Variants in F10 observed in about 807,000 individuals in gnomAD.
F10 encodes the protein Stuart-Prower factor.
In F10, 29 loss-of-function variants were observed where a neutral mutation model predicts 37.1. The observed-to-expected ratio is 0.78, with a 90% confidence interval of 0.58 to 1.07. The LOEUF (loss-of-function observed/expected upper bound fraction) is 1.07. Ranked by LOEUF, F10 falls within the 50% of genes least tolerant of loss-of-function variation. The pLI is 0.00. For synonymous variants in F10, 262 were observed against 268.6 expected, an observed-to-expected ratio of 0.98 and a Z score of 0.24; for missense variants, 539 against 667.9, an observed-to-expected ratio of 0.81 and a Z score of 2.13.
chr13:113,124,458 G>A (rs928913206), intron 1 of F10, among the ~76,000 whole-genome samples: 12 of 152,202 alleles, frequency 7.9e-5, no homozygotes, highest in African/African-American at 2.9e-4. Flanking sequence ...GTCCCCGGGG[G>A]CCGGCCTGGA....
At chr13:113,147,942 T>C (rs2036597459) in intron 7 of F10, among the ~76,000 whole-genome samples, 1 of 152,220 alleles carries the variant, frequency 6.6e-6, no homozygotes. Flanking sequence ...ACCCTAGAGC[T>C]GCTCAGTACA....
At chr13:113,136,204 T>C (rs1367477595) in intron 2 of F10, among the ~76,000 whole-genome samples, 1 of 152,124 alleles carries the variant, frequency 6.6e-6, no homozygotes, top group African/African-American at 2.4e-5. Context: ...TATATACTCA[T>C]AGAGTAAAAA....
At chr13:113,127,945 C>G (rs975722281) in intron 1 of F10, among the ~76,000 whole-genome samples, 16 of 152,096 alleles carry the variant, frequency 1.1e-4, no homozygotes, top group South Asian at 2.1e-4. Flanking sequence ...CTTGGGTGGC[C>G]AGGCTGAGCC....
rs774106793 is a variant in F10, at chr13:113,149,327, G to A, written c.1277G>A (p.Arg426His). The change falls in exon 8 of 8, where the codon CGC (arginine) becomes CAC (histidine). Residue 426 changes from arginine (R) to histidine (H), a missense_variant. Transcript: ENST00000375559. This position sits in a 1 kb window ranked among gnomAD's most constrained non-coding sequence, Gnocchi z 7.5. ...GACAGCGGGGGCCCGCACGTCACCC[G>A]CTTCAAGGACACCTACTTCGTGACA... ...QGDSGGPHVT[R>H]FKDTYFVTGI... 94 of 1,613,144 alleles carry A rather than the reference G, an allele frequency of 5.8e-5. 1 individual carries two copies. In the South Asian group the frequency reaches 7.1e-4, roughly 12 times the overall value.
In F10 at chr13:113,139,415, C is replaced by T. The variant is rs748636351; in HGVS notation, c.315C>T (p.Leu105=). ...ACCAGGGCAAATGTAAAGACGGCCT[C>T]GGGGAATACACCTGCACCTGTTTAG... ...CQNQGKCKDG[L]GEYTCTCLEG... The change falls in exon 4 of 8, where the codon CTC becomes CTT. Residue 105 remains leucine, a synonymous_variant. Coordinates refer to ENST00000375559, the MANE Select transcript of F10 (RefSeq NM_000504.4). This position sits in a 1 kb window ranked among gnomAD's most constrained non-coding sequence, Gnocchi z 5.2. The T allele has an allele frequency of 5.0e-6, 8 of 1,613,754 alleles. No homozygotes were observed. Among genetic ancestry groups the T allele is most frequent in the African/African-American group, 2.7e-5 (2 of 74,852 alleles).
chr13:113,129,485 T>G lies in F10; in HGVS notation c.104T>G (p.Leu35Arg). The G allele has an allele frequency of 6.2e-7, 1 of 1,614,082 alleles. No homozygotes were observed. The highest frequency in any genetic ancestry group is 1.7e-5 in the Admixed American group (1 of 60,032). The change falls in exon 2 of 8, where the codon CTG (leucine) becomes CGG (arginine). Residue 35 changes from leucine to arginine, a missense_variant. Around this residue, in one of 2 missense-constraint regions of F10, gnomAD observed 130 missense variants for 120.0 expected, o/e 1.08. Coordinates refer to ENST00000375559, the MANE Select transcript of F10 (RefSeq NM_000504.4). ...FIRREQANNI[L>R]ARVTRANSFL... The stretch of plus-strand genomic sequence containing the variant: ...CGCAGGGAGCAGGCCAACAACATCC[T>G]GGCGAGGGTCACGAGGGCCAATTCC...
At chr13:113,123,383 C>T (rs967007065) in intron 1 of F10, among the ~76,000 whole-genome samples, 2 of 152,190 alleles carry the variant, frequency 1.3e-5, no homozygotes, top group Non-Finnish European at 2.9e-5. Flanking sequence ...TGAGCCGAGC[C>T]AGTGCCACCA....
intron 7 of F10, among the ~76,000 whole-genome samples, chr13:113,148,343 A>ATATATATATATATATATATATAT (rs1168456413): frequency 1.0e-5 from 1 of 99,196 alleles, no homozygotes; most frequent in East Asian, 5.0e-4. Context: ...AAAAAAAAAA[A>ATATATATATATATATATATATAT]AAATATATAT....
chr13:113,128,158 T>C (rs1030000805), intron 1 of F10: 3 of 152,172 alleles, frequency 2.0e-5, no homozygotes, highest in Non-Finnish European at 4.4e-5. Flanking sequence ...TGTAAAATAT[T>C]TGAAGAGATT....
In F10 at chr13:113,143,167, C is replaced by T. The variant is rs1357902273; in HGVS notation, c.503-684C>T. ...AGCCCCTTGCCATCCATTCCCCCCT[C>T]CTCTCCTCTCCTGCTCCCCCACACC... On this transcript the variant is annotated intron_variant, in intron 5 of 7. Transcript: ENST00000375559. The surrounding 1 kb of genome is among the most constrained non-coding windows in gnomAD (Gnocchi z 6.8). Among the ~76,000 whole-genome samples, 3 of 150,260 alleles carry T rather than the reference C, an allele frequency of 2.0e-5. No homozygotes were observed. In the East Asian group the frequency reaches 6.1e-4, roughly 30 times the overall value.
intron 5 of F10, among the ~76,000 whole-genome samples, chr13:113,142,859 G>A (rs576725511): frequency 6.6e-6 from 1 of 152,146 alleles, no homozygotes; most frequent in African/African-American, 2.4e-5. Context: ...CTGAACCCAG[G>A]AGGTGGAGGT....
chr13:113,126,685 G>A (rs1176912978), intron 1 of F10, among the ~76,000 whole-genome samples: 4 of 152,206 alleles, frequency 2.6e-5, no homozygotes, highest in Admixed American at 2.6e-4. Flanking sequence ...GTGTTCACAT[G>A]GAGGTGCGTC....
At chr13:113,129,315 A>C (rs2036402193) in intron 1 of F10, 137 bp from the exon 2 acceptor site, 4 of 1,113,006 alleles carry the variant, frequency 3.6e-6, no homozygotes, top group Non-Finnish European at 5.3e-6. Context: ...TTAGAATTTT[A>C]TTTTTGGTTT....
chr13:113,148,378 GTATA>G, intron 7 of F10, among the ~76,000 whole-genome samples: 3 of 57,406 alleles, frequency 5.2e-5, no homozygotes, highest in Non-Finnish European at 9.9e-5. Flanking sequence ...ATATATATGT[GTATA>G]TATATATACA....
intron 1 of F10, 128 bp downstream of exon 1, chr13:113,123,053 C>T (rs550132930): frequency 1.0e-5 from 12 of 1,151,280 alleles, no homozygotes; most frequent in Middle Eastern, 2.7e-4. Flanking sequence ...AGGCTGGGCT[C>T]GGATGGCTGG....
chr13:113,135,104 G>A (rs1296506693), intron 2 of F10, among the ~76,000 whole-genome samples: 2 of 151,886 alleles, frequency 1.3e-5, no homozygotes, highest in South Asian at 2.1e-4. Context: ...TTAGCTGGGC[G>A]TGGTGGTGTG....
rs920411263 is a variant in F10, at chr13:113,146,429, G to C, written c.748-950G>C. ...TTTTGGAGGGGTTCCTGGGCTGGGGGACCAGGGTGGGGCGCCCTGGAGGGC... is the reference window on the plus strand; with the variant it reads ...TTTTGGAGGGGTTCCTGGGCTGGGGCACCAGGGTGGGGCGCCCTGGAGGGC... On this transcript the variant is annotated intron_variant, in intron 6 of 7. Transcript: ENST00000375559. This position sits in a 1 kb window ranked among gnomAD's most constrained non-coding sequence, Gnocchi z 4.5. Among the ~76,000 whole-genome samples, 1 of 152,126 alleles carries C rather than the reference G, an allele frequency of 6.6e-6. No homozygotes were observed. Among genetic ancestry groups the C allele is most frequent in the African/African-American group, 2.4e-5 (1 of 41,432 alleles).
At chr13:113,129,425 T>C (rs1595088128) in intron 1 of F10, 27 bp from the exon 2 acceptor site, 3 of 1,565,480 alleles carry the variant, frequency 1.9e-6, no homozygotes, top group Admixed American at 1.7e-5. Context: ...GACCAGAGCT[T>C]TTAACCCTGT....
chr13:113,137,068 A>G lies in F10; in HGVS notation c.232-1389A>G, dbSNP rs549540447. Among the ~76,000 whole-genome samples the G allele has an allele frequency of 2.1e-3, 314 of 152,324 alleles. 1 individual carries two copies. The highest frequency in any genetic ancestry group is 7.4e-3 in the African/African-American group (307 of 41,580). ...CCAAAGTGCTGGGATTATAGGCGTG[A>G]GGCACCACGCCTGGCCAGCAACTCT... On this transcript the variant is annotated intron_variant, in intron 2 of 7. Coordinates refer to ENST00000375559, the MANE Select transcript of F10 (RefSeq NM_000504.4).
Sources: allele counts gnomAD v4.1 joint callset (sites outside exome capture counted in the v4.1 genomes callset), GRCh38; gene constraint gnomAD v4.1.1; regional missense constraint gnomAD v4.1.1; non-coding constraint Gnocchi (gnomAD v3.1); transcripts MANE v1.5; gene names NCBI Gene and HGNC (gene_info 2026-07-23, HGNC 2026-07-21).